The following TESC variants were observed in gnomAD, a reference collection of about 807,000 sequenced individuals.
The protein encoded by TESC is calcineurin B homologous protein 3.
TESC carries 19 observed loss-of-function variants against 31.0 expected under a neutral mutation model. That is an observed-to-expected ratio of 0.61 (90% CI 0.43 to 0.90). TESC has a LOEUF of 0.90. Ranked by LOEUF, TESC falls within the 40% of genes least tolerant of loss-of-function variation. The pLI, the probability that TESC is intolerant of heterozygous loss-of-function variation, is 0.00. For synonymous variants in TESC, 109 were observed against 114.8 expected, an observed-to-expected ratio of 0.95 and a Z score of 0.32; for missense variants, 248 against 303.8, an observed-to-expected ratio of 0.82 and a Z score of 1.36.
intron 1 of TESC, among the ~76,000 whole-genome samples, chr12:117,098,970 C>T (rs1263609708): frequency 6.6e-6 from 1 of 152,056 alleles, no homozygotes; most frequent in East Asian, 1.9e-4. Flanking sequence ...CTCCCCGGTC[C>T]GCAGTCCCCC....
At chr12:117,096,400 G>A (rs1443271404) in intron 1 of TESC, among the ~76,000 whole-genome samples, 4 of 152,178 alleles carry the variant, frequency 2.6e-5, no homozygotes, top group Admixed American at 1.3e-4. Context: ...ATGCCAAGCC[G>A]ATCGTCTCGC....
intron 1 of TESC, among the ~76,000 whole-genome samples, chr12:117,094,025 C>G (rs1546248): frequency 0.53 from 79,836 of 151,494 alleles, 22,232 homozygotes; most frequent in African/African-American, 0.72. Flanking sequence ...CCCTTCTCTC[C>G]GTCAGGTCCC....
intron 6 of TESC, among the ~76,000 whole-genome samples, chr12:117,044,758 G>A (rs113197484): frequency 0.072 from 10,994 of 152,222 alleles, 1,038 homozygotes; most frequent in African/African-American, 0.22. Flanking sequence ...TTAGCCGGGC[G>A]TAGTGGCACA....
chr12:117,047,020 G>A (rs1043757532), intron 4 of TESC, among the ~76,000 whole-genome samples, 182 bp from the exon 5 acceptor site: 7 of 152,214 alleles, frequency 4.6e-5, no homozygotes, highest in South Asian at 2.1e-4. Context: ...CCTTGGGCCC[G>A]TGACCTAACT....
At chr12:117,048,877 G>A (rs562320074) in intron 4 of TESC, 142 bp downstream of exon 4, 17 of 1,305,062 alleles carry the variant, frequency 1.3e-5, no homozygotes, top group South Asian at 3.8e-5. Context: ...TCACAGGGAC[G>A]AGGGCTGGTG....
At chr12:117,041,177 G>C (rs1278908707) in intron 7 of TESC, among the ~76,000 whole-genome samples, 2 of 152,212 alleles carry the variant, frequency 1.3e-5, no homozygotes, top group South Asian at 4.1e-4. Flanking sequence ...CATCAGGGAG[G>C]AGGGCAGAGT....
intron 2 of TESC, among the ~76,000 whole-genome samples, chr12:117,073,196 C>G (rs572369940): frequency 4.0e-4 from 61 of 152,274 alleles, no homozygotes; most frequent in South Asian, 1.2e-3. Flanking sequence ...TTGGAGGAAA[C>G]TGACCCCAGG....
At chr12:117,071,165 G>A (rs556231294) in intron 2 of TESC, among the ~76,000 whole-genome samples, 29 of 152,280 alleles carry the variant, frequency 1.9e-4, no homozygotes, top group South Asian at 4.1e-4. Flanking sequence ...CGCTTCCTGC[G>A]CTGGAAAGAA....
intron 5 of TESC, 44 bp downstream of exon 5, chr12:117,046,733 G>A (rs1413211136): frequency 3.2e-6 from 5 of 1,554,156 alleles, no homozygotes; most frequent in Non-Finnish European, 4.4e-6. Flanking sequence ...GGCAGAGGGG[G>A]AAGGCACCAG....
chr12:117,042,832 C>T (rs557999577), intron 6 of TESC, among the ~76,000 whole-genome samples: 4 of 152,216 alleles, frequency 2.6e-5, no homozygotes, highest in Non-Finnish European at 5.9e-5. Context: ...GTCATCCACG[C>T]TATTGATTCC....
At chr12:117,063,750 C>T (rs142004632) in intron 2 of TESC, among the ~76,000 whole-genome samples, 5 of 152,274 alleles carry the variant, frequency 3.3e-5, no homozygotes, top group African/African-American at 9.6e-5. Context: ...TCTGATTCCC[C>T]TTCCTGCACT....
chr12:117,081,785 TC>T (rs772581351), intron 1 of TESC, among the ~76,000 whole-genome samples: 11 of 151,918 alleles, frequency 7.2e-5, no homozygotes, highest in Non-Finnish European at 1.3e-4. Flanking sequence ...ATGCCTGTAA[TC>T]CCAACTACTC....
rs532426148 is a variant in TESC at position 117,083,026 on chromosome 12, G to C, written c.59-7686C>G. ...GTACAACCACCGTGGAAAACAGTTT[G>C]GTAGTTCCTCAATCAATTAAACACA... is the stretch of plus-strand genomic sequence containing the variant. On this transcript the variant is annotated intron_variant, in intron 1 of 7. Transcript: ENST00000335209. Among the ~76,000 whole-genome samples, 46 of 151,832 alleles carry C rather than the reference G, an allele frequency of 3.0e-4. No homozygotes were observed. The South Asian group carries it at 9.6e-3, about 32-fold the overall frequency.
intron 1 of TESC, among the ~76,000 whole-genome samples, chr12:117,075,863 ATATATATG>A (rs559271394): frequency 0.016 from 796 of 49,186 alleles, 17 homozygotes; most frequent in Middle Eastern, 0.025. Flanking sequence ...ATATATATAT[ATATATATG>A]TGTGTATATA....
At chr12:117,074,712 G>A (rs1367622365) in intron 2 of TESC, among the ~76,000 whole-genome samples, 3 of 152,192 alleles carry the variant, frequency 2.0e-5, no homozygotes, top group Non-Finnish European at 4.4e-5. Flanking sequence ...CATTCCATCC[G>A]AGGAAGTCAG....
In TESC at chr12:117,046,610, G is replaced by A; in HGVS notation, c.468C>T (p.Ser156=). Reference sequence around the variant, plus strand: ...CCTCCATCATGGCCCCGTCGGCGATGGAGCGAGCGGACTCCTTCTCGATGT... The same window carrying A: ...CCTCCATCATGGCCCCGTCGGCGATAGAGCGAGCGGACTCCTTCTCGATGT... ...NPHIEKESAR[S]IADGAMMEAA... is the part of the protein sequence containing the mutation. Residue 156 remains serine (S), a synonymous_variant, in exon 6 of 8, where the codon TCC becomes TCT. Transcript: ENST00000335209. The A allele has an allele frequency of 6.4e-7, 1 of 1,551,494 alleles. No individual in the cohort carries two copies. The highest frequency in any genetic ancestry group is 1.2e-5 in the South Asian group (1 of 84,072).
intron 3 of TESC, among the ~76,000 whole-genome samples, chr12:117,052,850 C>G (rs557906859): frequency 6.6e-6 from 1 of 152,272 alleles, no homozygotes; most frequent in East Asian, 1.9e-4. Flanking sequence ...CCAGCCCCCA[C>G]CTTCTCACGC....
intron 2 of TESC, 25 bp from the exon 3 acceptor site, chr12:117,056,911 C>A: frequency 6.2e-7 from 1 of 1,611,476 alleles, no homozygotes; most frequent in South Asian, 1.1e-5. Context: ...GGAGAGATAC[C>A]GGGAAGAGAA....
rs541454414 is a variant in TESC, at chr12:117,073,705, G to A, written c.128+1566C>T. Among the ~76,000 whole-genome samples, 3 of 152,328 alleles carry A rather than the reference G, an allele frequency of 2.0e-5. No individual in the cohort carries two copies. In the East Asian group the frequency reaches 5.8e-4, roughly 29 times the overall value. On this transcript the variant is annotated intron_variant, in intron 2 of 7. Coordinates refer to ENST00000335209, the MANE Select transcript of TESC (RefSeq NM_017899.4). ...TTTTAGGAAACTACATCTGTTAGAA[G>A]TTTATGGTAGAAATTTGTTCAACTT...
Sources: gnomAD v4.1 joint callset for allele counts (sites outside exome capture counted in the v4.1 genomes callset) on GRCh38, gnomAD v4.1.1 for gene constraint, MANE v1.5 for transcripts, NCBI Gene and HGNC (gene_info 2026-07-23, HGNC 2026-07-21) for gene names.